RFX3: variants seen among roughly 807,000 people sequenced by gnomAD.
RFX3 encodes transcription factor RFX3.
Under a neutral mutation model 98.6 loss-of-function variants are expected in RFX3, and 14 were observed. The ratio of observed to expected loss-of-function variants is 0.14; its 90% CI spans 0.09 to 0.22. RFX3 has a LOEUF of 0.22. RFX3 is among the 10% of genes least tolerant of loss of function. The pLI is 1.00. For missense variants in RFX3, 639 were observed against 926.9 expected (o/e 0.69, Z 4.03); for synonymous variants, 383 against 328.4 (o/e 1.17, Z -1.80).
intron 1 of RFX3, chr9:3,421,019 C>CAA (rs145747158): frequency 0.09 from 16,258 of 180,562 alleles, 1,479 homozygotes; most frequent in African/African-American, 0.29. Context: ...TACTATGTGC[C>CAA]AAAAAAAAAA....
intron 3 of RFX3, among the ~76,000 whole-genome samples, chr9:3,334,032 C>T (rs1832883792): frequency 6.6e-6 from 1 of 151,914 alleles, no homozygotes; most frequent in African/African-American, 2.4e-5. Flanking sequence ...TAGTCTAAAG[C>T]ACAGAGCTGA....
intron 1 of RFX3, among the ~76,000 whole-genome samples, chr9:3,506,949 T>G (rs1057440178): frequency 6.6e-6 from 1 of 151,880 alleles, no homozygotes; most frequent in Admixed American, 6.6e-5. Context: ...AAATCAGAAC[T>G]AGACAAAATT....
intron 10 of RFX3, 39 bp from the exon 11 acceptor site, chr9:3,270,564 T>C (rs1563834621): frequency 2.5e-6 from 4 of 1,589,604 alleles, no homozygotes; most frequent in Middle Eastern, 3.4e-4. Context: ...AGATGGCAAA[T>C]GAGGATAAAA....
chr9:3,325,186 T>A (rs1291156571), intron 4 of RFX3, among the ~76,000 whole-genome samples: 1 of 152,080 alleles, frequency 6.6e-6, no homozygotes, highest in African/African-American at 2.4e-5. Context: ...AATAAGAAGG[T>A]AAAATTATTT....
At chr9:3,345,373 G>A (rs7867276) in intron 3 of RFX3, among the ~76,000 whole-genome samples, 11,886 of 152,158 alleles carry the variant, frequency 0.078, 1,147 homozygotes, top group African/African-American at 0.23. Context: ...ATAAGGCGGA[G>A]GTAGGAATGC....
intron 4 of RFX3, among the ~76,000 whole-genome samples, chr9:3,320,660 A>C (rs1831161790): frequency 7.9e-6 from 1 of 126,350 alleles, no homozygotes; most frequent in African/African-American, 4.6e-5. Flanking sequence ...TTTTTCGCTC[A>C]ACATGGAGAC....
chr9:3,363,961 C>T (rs1352744803), intron 2 of RFX3, among the ~76,000 whole-genome samples: 1 of 152,212 alleles, frequency 6.6e-6, no homozygotes, highest in Non-Finnish European at 1.5e-5. Flanking sequence ...CTGCAGCCTC[C>T]GCCTCCCGGA....
intron 4 of RFX3, among the ~76,000 whole-genome samples, chr9:3,323,098 T>C (rs1831496626): frequency 1.3e-5 from 2 of 151,972 alleles, no homozygotes; most frequent in Admixed American, 6.6e-5. Context: ...ATAATTAGAG[T>C]TTAAAGGAAA....
chr9:3,514,427 T>A (rs1011728947), intron 1 of RFX3, among the ~76,000 whole-genome samples: 1 of 152,096 alleles, frequency 6.6e-6, no homozygotes, highest in Non-Finnish European at 1.5e-5. Flanking sequence ...AAAGTAATTT[T>A]TTTAACCAAG....
intron 2 of RFX3, among the ~76,000 whole-genome samples, chr9:3,366,864 C>T (rs575075372): frequency 2.6e-5 from 4 of 151,732 alleles, no homozygotes; most frequent in Admixed American, 6.6e-5. Flanking sequence ...AGGAGCATTC[C>T]CACTCAAAAA....
At position 3,366,693 on chromosome 9, in the gene RFX3, C is replaced by CCTTTCTTTCTTTTCTTTCTTT. The variant is rs1837142736; in HGVS notation, c.118-19930_118-19929insAAAGAAAGAAAAGAAAGAAAG. Among the ~76,000 whole-genome samples the CCTTTCTTTCTTTTCTTTCTTT allele has an allele frequency of 4.7e-5, 4 of 85,490 alleles. No individual in the cohort carries two copies. In the South Asian group the frequency reaches 2.0e-3, roughly 43 times the overall value. The allele number at this position is 85,490 out of a possible 152,430, so 56.1% of individuals were successfully genotyped here. On this transcript the variant is annotated intron_variant, in intron 2 of 16. Transcript: ENST00000617270. ...CTTTCTCTTTCTTTCTTCTTTCTTT[C>CCTTTCTTTCTTTTCTTTCTTT]CTTTCTTTCTTTCTTTCTTTCTTTC...
At chr9:3,254,949 T>C (rs1193067357) in intron 14 of RFX3, among the ~76,000 whole-genome samples, 4 of 152,182 alleles carry the variant, frequency 2.6e-5, no homozygotes, top group African/African-American at 9.7e-5. Context: ...TCTTGAATTA[T>C]GTGGGCTAAA....
rs75134252 is a variant in RFX3 at position 3,310,853 on chromosome 9, A to C, written c.475-9233T>G. ...AAGTGGAAATATTTCAAATTGTTGT[A>C]ATGAAGTTATCTTCTGAGGAGTGAG... On this transcript the variant is annotated intron_variant, in intron 4 of 16. Transcript: ENST00000617270. Among the ~76,000 whole-genome samples, 15 of 152,326 alleles carry C rather than the reference A, an allele frequency of 9.8e-5. No individual in the cohort carries two copies. In the East Asian group the frequency reaches 2.9e-3, roughly 29 times the overall value.
chr9:3,316,304 C>T (rs1030591229), intron 4 of RFX3, among the ~76,000 whole-genome samples: 16 of 152,086 alleles, frequency 1.1e-4, no homozygotes, highest in Admixed American at 8.5e-4. Context: ...ATGCAGAAAA[C>T]GCCTTTGACA....
intron 1 of RFX3, among the ~76,000 whole-genome samples, chr9:3,495,649 C>T (rs983734340): frequency 6.6e-6 from 1 of 151,894 alleles, no homozygotes; most frequent in African/African-American, 2.4e-5. Flanking sequence ...GTACTGTTTC[C>T]CCTGGCTCTA....
chr9:3,289,528 G>C (rs142310626), intron 6 of RFX3, among the ~76,000 whole-genome samples: 362 of 152,264 alleles, frequency 2.4e-3, no homozygotes, highest in Non-Finnish European at 3.5e-3. Flanking sequence ...CTGGAGGACA[G>C]TAGGGAGTAG....
chr9:3,456,432 A>G (rs1388977118), intron 1 of RFX3, among the ~76,000 whole-genome samples: 3 of 152,156 alleles, frequency 2.0e-5, no homozygotes, highest in African/African-American at 7.2e-5. Flanking sequence ...AGCTTTTTTC[A>G]ATCCTAATTC....
At chr9:3,355,946 A>T (rs926619716) in intron 2 of RFX3, among the ~76,000 whole-genome samples, 1 of 151,914 alleles carries the variant, frequency 6.6e-6, no homozygotes, top group African/African-American at 2.4e-5. Flanking sequence ...TATGGTTTAT[A>T]TCATGAAGAA....
chr9:3,301,608 T>C lies in RFX3; in HGVS notation c.487A>G (p.Ile163Val), dbSNP rs1170871959. 1 of 1,601,244 alleles carries C rather than the reference T, an allele frequency of 6.2e-7. No individual in the cohort carries two copies. Among genetic ancestry groups the C allele is most frequent in the African/African-American group, 1.3e-5 (1 of 74,634 alleles). The change falls in exon 5 of 17, where the codon ATT becomes GTT. Residue 163 changes from isoleucine (I) to valine (V), a missense_variant. Ile to Val is a conservative substitution (Grantham distance 29). Around this residue, in one of 9 missense-constraint regions of RFX3, gnomAD observed 16 missense variants for 30.0 expected, o/e 0.53. Coordinates refer to ENST00000617270, the MANE Select transcript of RFX3 (RefSeq NM_001282116.2). The part of the protein sequence containing the change: ...RASPATIEMA[I>V]ETLQKSDGLS... Reference sequence around the variant, plus strand: ...CCGTCAGACTTTTGCAGCGTCTCAATCGCCATTTCAATCTGATAATAGATG... The same window carrying C: ...CCGTCAGACTTTTGCAGCGTCTCAACCGCCATTTCAATCTGATAATAGATG...
Sources: allele counts gnomAD v4.1 joint callset (sites outside exome capture counted in the v4.1 genomes callset), GRCh38; gene constraint gnomAD v4.1.1; regional missense constraint gnomAD v4.1.1; transcripts MANE v1.5; gene names NCBI Gene and HGNC (gene_info 2026-07-23, HGNC 2026-07-21).